SPMIP4: variants seen among roughly 807,000 people sequenced by gnomAD.
The protein encoded by SPMIP4 is sperm-associated microtubule inner protein 4.
chr7:25,172,972 G>C, the SPMIP4 span, among the ~76,000 whole-genome samples: 2 of 150,328 alleles, frequency 1.3e-5, no homozygotes, highest in Admixed American at 1.3e-4. The surrounding 1 kb of genome is among the most constrained non-coding windows in gnomAD (Gnocchi z 4.2). Context: ...ATGGAGGAGA[G>C]GAAGGGGGTG....
the SPMIP4 span, chr7:25,134,923 T>G: frequency 6.1e-6 from 6 of 985,440 alleles, no homozygotes; most frequent in Non-Finnish European, 7.2e-6. Context: ...CCTGTCATAA[T>G]GTAACTAGTG....
At chr7:25,125,911 T>C in the SPMIP4 span, 3 of 985,282 alleles carry the variant, frequency 3.0e-6, no homozygotes, top group South Asian at 1.4e-4. Flanking sequence ...AGCTCTCCGC[T>C]TGATGGACGC....
the SPMIP4 span, among the ~76,000 whole-genome samples, chr7:25,131,356 T>C: frequency 6.6e-6 from 1 of 152,160 alleles, no homozygotes; most frequent in Admixed American, 6.5e-5. The surrounding 1 kb of genome is among the most constrained non-coding windows in gnomAD (Gnocchi z 4.2). Flanking sequence ...AAGTGCACAA[T>C]AAATGTAATG....
the SPMIP4 span, chr7:25,142,403 G>T: frequency 8.8e-7 from 1 of 1,140,724 alleles, no homozygotes; most frequent in South Asian, 1.5e-5. Context: ...CCCTTTATAG[G>T]AAAACTTACC....
At chr7:25,155,049 G>C in the SPMIP4 span, 2 of 1,614,006 alleles carry the variant, frequency 1.2e-6, no homozygotes, top group South Asian at 1.1e-5. Flanking sequence ...AGCCTTGGTT[G>C]GCACCGTGGG....
the SPMIP4 span, among the ~76,000 whole-genome samples, chr7:25,145,368 C>T: frequency 0.6 from 91,356 of 151,918 alleles, 28,566 homozygotes; most frequent in Non-Finnish European, 0.69. Flanking sequence ...TTCAAGGGCA[C>T]GGGAAAGGAA....
the SPMIP4 span, chr7:25,136,035 A>G: frequency 6.2e-7 from 1 of 1,613,882 alleles, no homozygotes; most frequent in Non-Finnish European, 8.5e-7. This position sits in a 1 kb window ranked among gnomAD's most constrained non-coding sequence, Gnocchi z 5.7. Flanking sequence ...AATGCTCATT[A>G]TCCCTGAGGT....
At chr7:25,128,445 C>A in the SPMIP4 span, among the ~76,000 whole-genome samples, 3 of 152,226 alleles carry the variant, frequency 2.0e-5, no homozygotes, top group Non-Finnish European at 4.4e-5. This position sits in a 1 kb window ranked among gnomAD's most constrained non-coding sequence, Gnocchi z 4.5. Flanking sequence ...CCTCCTCTTT[C>A]CTCAAGCATC....
chr7:25,154,391 G>A, the SPMIP4 span, among the ~76,000 whole-genome samples: 27 of 151,890 alleles, frequency 1.8e-4, no homozygotes, highest in African/African-American at 6.1e-4. Context: ...CTCTGTTTAC[G>A]CACATGTGTA....
At chr7:25,179,120 C>T in the SPMIP4 span, 431 of 1,519,746 alleles carry the variant, frequency 2.8e-4, 3 homozygotes, top group African/African-American at 4.6e-3. Context: ...TAATAAAATA[C>T]ACGAATACAT....
chr7:25,137,519 C>T, the SPMIP4 span, among the ~76,000 whole-genome samples: 1 of 151,998 alleles, frequency 6.6e-6, no homozygotes, highest in Admixed American at 6.6e-5. Flanking sequence ...GGAAGTTCAG[C>T]CTCAGTGTAT....
chr7:25,145,406 G>A, the SPMIP4 span, among the ~76,000 whole-genome samples: 1 of 152,220 alleles, frequency 6.6e-6, no homozygotes, highest in Non-Finnish European at 1.5e-5. Context: ...TTACTGTAGC[G>A]TGTGATGTCT....
At chr7:25,130,455 G>GGTGT in the SPMIP4 span, among the ~76,000 whole-genome samples, 1 of 151,744 alleles carries the variant, frequency 6.6e-6, no homozygotes, top group Non-Finnish European at 1.5e-5. Context: ...TGGGATTACA[G>GGTGT]GTGTGTGCCA....
At chr7:25,161,353 C>T in the SPMIP4 span, 1 of 600,712 alleles carries the variant, frequency 1.7e-6, no homozygotes, top group Non-Finnish European at 2.8e-6. Context: ...AATAACATAT[C>T]CACATATATG....
At chr7:25,166,313 C>T in the SPMIP4 span, among the ~76,000 whole-genome samples, 5 of 138,780 alleles carry the variant, frequency 3.6e-5, no homozygotes, top group South Asian at 2.2e-4. Flanking sequence ...GATTGCCGGG[C>T]GTGGTGGCTC....
the SPMIP4 span, chr7:25,179,123 G>T: frequency 6.5e-7 from 1 of 1,530,108 alleles, no homozygotes; most frequent in South Asian, 1.2e-5. Flanking sequence ...TAAAATACAC[G>T]AATACATTAA....
At chr7:25,154,660 C>T in the SPMIP4 span, among the ~76,000 whole-genome samples, 1 of 152,128 alleles carries the variant, frequency 6.6e-6, no homozygotes, top group Non-Finnish European at 1.5e-5. Context: ...GTGCTGATCA[C>T]CTGGGCTAGG....
the SPMIP4 span, chr7:25,136,629 G>C: frequency 6.2e-7 from 1 of 1,614,100 alleles, no homozygotes; most frequent in African/African-American, 1.3e-5. The surrounding 1 kb of genome is among the most constrained non-coding windows in gnomAD (Gnocchi z 5.7). Context: ...CTTTAGAACT[G>C]GGTACAAAGG....
chr7:25,131,902 G>A, the SPMIP4 span, among the ~76,000 whole-genome samples: 1 of 152,228 alleles, frequency 6.6e-6, no homozygotes, highest in South Asian at 2.1e-4. This position sits in a 1 kb window ranked among gnomAD's most constrained non-coding sequence, Gnocchi z 4.2. Context: ...GAGCACAGCT[G>A]ACACCCTGCT....
Sources: gnomAD v4.1 joint callset for allele counts (sites outside exome capture counted in the v4.1 genomes callset) on GRCh38, gnomAD v4.1.1 for gene constraint, Gnocchi (gnomAD v3.1) non-coding constraint, MANE v1.5 for transcripts, NCBI Gene and HGNC (gene_info 2026-07-23, HGNC 2026-07-21) for gene names.